Variants in CADM2 observed in about 807,000 individuals in gnomAD.
CADM2 encodes cell adhesion molecule 2.
CADM2 carries 12 observed loss-of-function variants against 49.8 expected under a neutral mutation model. The observed-to-expected ratio is 0.24, with a 90% CI of 0.15 to 0.39. CADM2 has a LOEUF of 0.39. Among genes scored for constraint, CADM2 ranks in the 10% least tolerant of loss-of-function variants. The pLI, the probability that CADM2 is intolerant of heterozygous loss-of-function variation, is 1.00. For missense variants in CADM2, 378 were observed against 492.3 expected, an observed-to-expected ratio of 0.77 and a Z score of 2.20; for synonymous variants, 214 against 175.4, an observed-to-expected ratio of 1.22 and a Z score of -1.74.
chr3:85,512,089 A>G (rs1559878571), intron 1 of CADM2, among the ~76,000 whole-genome samples: 1 of 152,114 alleles, frequency 6.6e-6, no homozygotes, highest in East Asian at 1.9e-4. Flanking sequence ...TTTGGAGTAT[A>G]TTGATCCCCA....
At chr3:85,238,686 C>G (rs1483691423) in intron 1 of CADM2, among the ~76,000 whole-genome samples, 2 of 151,802 alleles carry the variant, frequency 1.3e-5, no homozygotes, top group Admixed American at 1.3e-4. Flanking sequence ...TATTAAGATA[C>G]TTTGTTCAGG....
intron 1 of CADM2, among the ~76,000 whole-genome samples, chr3:85,104,245 C>A (rs1169642027): frequency 2.0e-5 from 3 of 151,110 alleles, no homozygotes; most frequent in Non-Finnish European, 1.5e-5. Context: ...GGAAGGGATC[C>A]AGTTTCAGCT....
chr3:85,922,995 G>A (rs1170864272), intron 6 of CADM2, among the ~76,000 whole-genome samples: 1 of 151,710 alleles, frequency 6.6e-6, no homozygotes, highest in Admixed American at 6.6e-5. Context: ...CTAATTTTTT[G>A]TATTTTTTTA....
At chr3:85,913,547 T>G (rs907118549) in intron 6 of CADM2, among the ~76,000 whole-genome samples, 1 of 152,158 alleles carries the variant, frequency 6.6e-6, no homozygotes, top group African/African-American at 2.4e-5. Context: ...TCAACAATAA[T>G]TTTTTAGTGG....
intron 1 of CADM2, among the ~76,000 whole-genome samples, chr3:85,618,951 G>T (rs945990589): frequency 1.3e-5 from 2 of 151,898 alleles, no homozygotes; most frequent in Non-Finnish European, 2.9e-5. Flanking sequence ...TGAGGCAGGA[G>T]AATCGCTTGA....
intron 1 of CADM2, among the ~76,000 whole-genome samples, chr3:85,121,341 G>A (rs899642129): frequency 6.6e-6 from 1 of 152,168 alleles, no homozygotes. Flanking sequence ...CTTGCTGTCT[G>A]TGGGAAAAAC....
chr3:85,665,921 T>TA (rs1301394451), intron 1 of CADM2, among the ~76,000 whole-genome samples: 1 of 151,766 alleles, frequency 6.6e-6, no homozygotes, highest in Non-Finnish European at 1.5e-5. Flanking sequence ...ATAACAAGGG[T>TA]ATTCAATTAG....
intron 8 of CADM2, among the ~76,000 whole-genome samples, chr3:85,974,658 G>T (rs1032705972): frequency 3.3e-5 from 5 of 151,582 alleles, no homozygotes; most frequent in African/African-American, 1.2e-4. Flanking sequence ...CGTTGTTTTA[G>T]CTGAAATTAT....
intron 1 of CADM2, among the ~76,000 whole-genome samples, chr3:85,098,356 T>A (rs1450096749): frequency 6.6e-6 from 1 of 151,150 alleles, no homozygotes; most frequent in Non-Finnish European, 1.5e-5. Flanking sequence ...GAAAAAAAAA[T>A]ATGACCAAAG....
At chr3:85,258,398 C>G (rs1023024795) in intron 1 of CADM2, among the ~76,000 whole-genome samples, 9 of 151,922 alleles carry the variant, frequency 5.9e-5, no homozygotes, top group Admixed American at 1.3e-4. Flanking sequence ...TTCTGAAAAG[C>G]CTGCTACTGA....
At chr3:85,215,358 T>A (rs10865607) in intron 1 of CADM2, among the ~76,000 whole-genome samples, 42,285 of 80,198 alleles carry the variant, frequency 0.53, 10,868 homozygotes, top group African/African-American at 0.57. Context: ...CTCTCTTTTT[T>A]AAAAAAAAAA....
At chr3:85,853,684 A>G (rs570810016) in intron 3 of CADM2, among the ~76,000 whole-genome samples, 1 of 152,228 alleles carries the variant, frequency 6.6e-6, no homozygotes, top group East Asian at 1.9e-4. Flanking sequence ...TGAAAAAAAA[A>G]AAATACTTGT....
chr3:84,963,346 C>T, intron 1 of CADM2, among the ~76,000 whole-genome samples: 1 of 152,102 alleles, frequency 6.6e-6, no homozygotes, highest in East Asian at 1.9e-4. Context: ...TATGCCTTTC[C>T]ATGCCTGAGG....
At chr3:85,416,155 T>A (rs542856624) in intron 1 of CADM2, among the ~76,000 whole-genome samples, 1 of 152,138 alleles carries the variant, frequency 6.6e-6, no homozygotes, top group Non-Finnish European at 1.5e-5. Flanking sequence ...TCTTTTGTAA[T>A]GTGAATAAAG....
chr3:85,013,928 A>ATG lies in CADM2; in HGVS notation c.61+54260_61+54261insTG, dbSNP rs1559617221. ...CTGTCCTCAGTACAATATTATATAT[A>ATG]CGCAGTGTAATAATATTGTATATTA... On this transcript the variant is annotated intron_variant, in intron 1 of 9. Transcript: ENST00000383699. 2.5e-3 allele frequency among the ~76,000 whole-genome samples: 365 copies of ATG among 146,670 alleles called. 93 individuals carry two copies. The highest frequency in any genetic ancestry group is 7.3e-3 in the Middle Eastern group (2 of 274).
At chr3:85,451,923 G>A (rs141166798) in intron 1 of CADM2, among the ~76,000 whole-genome samples, 2,191 of 152,056 alleles carry the variant, frequency 0.014, 25 homozygotes, top group Middle Eastern at 0.041. Flanking sequence ...AAGTACTTAG[G>A]CGCAGTCCAA....
chr3:85,125,375 G>T (rs7626921), intron 1 of CADM2, among the ~76,000 whole-genome samples: 16,773 of 146,368 alleles, frequency 0.11, 2,029 homozygotes, highest in African/African-American at 0.31. Flanking sequence ...TTAGATTTTT[G>T]TTTTTTTTTT....
intron 1 of CADM2, among the ~76,000 whole-genome samples, chr3:85,105,188 C>G (rs1393594654): frequency 6.6e-6 from 1 of 151,946 alleles, no homozygotes; most frequent in African/African-American, 2.4e-5. Context: ...ATTTTTGCAA[C>G]CTACTCATCT....
At chr3:86,040,775 A>G (rs1044645605) in intron 8 of CADM2, among the ~76,000 whole-genome samples, 3 of 152,190 alleles carry the variant, frequency 2.0e-5, no homozygotes, top group African/African-American at 7.2e-5. Context: ...CAAGACACAT[A>G]ATTGTCAGAT....
Sources: gnomAD v4.1 joint callset for allele counts (sites outside exome capture counted in the v4.1 genomes callset) on GRCh38, gnomAD v4.1.1 for gene constraint, MANE v1.5 for transcripts, NCBI Gene and HGNC (gene_info 2026-07-23, HGNC 2026-07-21) for gene names.